Variants in TGFBI observed in about 807,000 individuals in gnomAD.
TGFBI encodes the protein transforming growth factor beta induced.
A neutral mutation model predicts 73.7 loss-of-function variants in TGFBI; 50 were observed. The ratio of observed to expected loss-of-function variants is 0.68; its 90% CI spans 0.54 to 0.86. TGFBI has a LOEUF of 0.86. Among genes scored for constraint, TGFBI ranks in the 40% least tolerant of loss-of-function variants. The probability of loss-of-function intolerance (pLI) is 0.00; values close to 1 mark genes in which losing one functional copy is unlikely to be tolerated. For missense variants in TGFBI, 839 were observed against 877.0 expected (o/e 0.96, Z 0.55); for synonymous variants, 362 against 360.5 (o/e 1.00, Z -0.05).
At chr5:136,055,856 G>C (rs973462131) in intron 11 of TGFBI, 40 bp downstream of exon 11, 1 of 1,561,262 alleles carries the variant, frequency 6.4e-7, no homozygotes, top group East Asian at 2.3e-5. Flanking sequence ...CTGCCCAGTG[G>C]TCATGCTGGA....
At chr5:136,051,595 T>G (rs2126912132) in intron 7 of TGFBI, among the ~76,000 whole-genome samples, 1 of 152,338 alleles carries the variant, frequency 6.6e-6, no homozygotes. Flanking sequence ...CGCTGCAGAC[T>G]GGAAGGAAGA....
intron 7 of TGFBI, among the ~76,000 whole-genome samples, chr5:136,050,458 G>A (rs1751515248): frequency 6.6e-6 from 1 of 152,190 alleles, no homozygotes; most frequent in African/African-American, 2.4e-5. Flanking sequence ...GGAGAGGGAA[G>A]GAAGGAGCTA....
chr5:136,037,834 A>T (rs1055675160), intron 2 of TGFBI, among the ~76,000 whole-genome samples: 1 of 152,200 alleles, frequency 6.6e-6, no homozygotes, highest in Non-Finnish European at 1.5e-5. Context: ...GAGCTTTTCC[A>T]TCAGCTGGCA....
chr5:136,057,697 T>G (rs1330977737), intron 12 of TGFBI, among the ~76,000 whole-genome samples: 3 of 151,948 alleles, frequency 2.0e-5, no homozygotes, highest in Non-Finnish European at 4.4e-5. Flanking sequence ...TTGACAAACC[T>G]TGGGGCCCAC....
chr5:136,060,426 G>A (rs765519939), intron 13 of TGFBI, among the ~76,000 whole-genome samples: 1 of 152,214 alleles, frequency 6.6e-6, no homozygotes, highest in Non-Finnish European at 1.5e-5. Flanking sequence ...AAAGTGTTCA[G>A]TAGGCCGGGT....
chr5:136,029,491 C>T (rs945637097), intron 1 of TGFBI, among the ~76,000 whole-genome samples: 6 of 152,198 alleles, frequency 3.9e-5, no homozygotes, highest in African/African-American at 1.4e-4. Context: ...GCTTCTCCTC[C>T]CAGCCACTGC....
In TGFBI at chr5:136,054,097, A is replaced by C. The variant is rs759594015; in HGVS notation, c.1264+17A>C. The stretch of plus-strand genomic sequence containing the variant: ...TATTCAAAGGTAACATGGGGAAGGC[A>C]TCCCTGTTAGATTGTCCCTGGAGGC... On this transcript the variant is annotated intron_variant, in intron 9 of 16. Coordinates refer to ENST00000442011, the MANE Select transcript of TGFBI (RefSeq NM_000358.3). 8 of 1,610,172 alleles carry C rather than the reference A, an allele frequency of 5.0e-6. No homozygotes were observed. The highest frequency in any genetic ancestry group is 6.8e-6 in the Non-Finnish European group (8 of 1,176,852).
intron 1 of TGFBI, among the ~76,000 whole-genome samples, 181 bp downstream of exon 1, chr5:136,029,370 G>A (rs1222801631): frequency 1.3e-5 from 2 of 152,234 alleles, no homozygotes; most frequent in African/African-American, 2.4e-5. Flanking sequence ...AGGGAGGGAG[G>A]TGGAGGACCA....
intron 13 of TGFBI, among the ~76,000 whole-genome samples, chr5:136,059,519 C>T (rs1751710487): frequency 6.6e-6 from 1 of 152,144 alleles, no homozygotes; most frequent in Admixed American, 6.5e-5. Flanking sequence ...AGTTATGTGA[C>T]TGAAGAGATC....
At chr5:136,057,326 G>A (rs2126915745) in intron 12 of TGFBI, among the ~76,000 whole-genome samples, 2 of 152,188 alleles carry the variant, frequency 1.3e-5, no homozygotes, top group East Asian at 3.8e-4. Flanking sequence ...AGACCTATGA[G>A]CACAGTGATA....
chr5:136,029,607 C>A (rs1751078678), intron 1 of TGFBI, among the ~76,000 whole-genome samples: 1 of 152,218 alleles, frequency 6.6e-6, no homozygotes, highest in South Asian at 2.1e-4. Context: ...GGCCCCCGGC[C>A]AGCGACTCCA....
intron 2 of TGFBI, among the ~76,000 whole-genome samples, chr5:136,043,775 T>C (rs1369762099): frequency 6.6e-6 from 1 of 152,254 alleles, no homozygotes; most frequent in Non-Finnish European, 1.5e-5. Flanking sequence ...TTATGTTTTC[T>C]AGTCACAACA....
Position 136,033,661 on chromosome 5 carries a change from T to G in TGFBI, c.135-102T>G, listed in dbSNP as rs1751162113. 3 of 890,480 alleles carry G rather than the reference T, an allele frequency of 3.4e-6. No individual in the cohort carries two copies. In the Admixed American group the frequency reaches 6.1e-5, roughly 18 times the overall value. The allele number at this position is 890,480 out of a possible 1,614,324, so 55.2% of individuals were successfully genotyped here. A position where few individuals can be genotyped will look rare whatever the true frequency, so the allele number is the denominator to read the frequency against. The stretch of plus-strand genomic sequence containing the variant: ...GACTGAAATGACTCTCTCCTCTATC[T>G]CTAGAAAGTTCCAGTGACCCAAGGA... On this transcript the variant is annotated intron_variant, in intron 1 of 16. Transcript: ENST00000442011.
chr5:136,030,221 C>A (rs1035954719), intron 1 of TGFBI, among the ~76,000 whole-genome samples: 3 of 152,222 alleles, frequency 2.0e-5, no homozygotes, highest in African/African-American at 7.2e-5. Context: ...CGTTCACACC[C>A]ACAAGCAATG....
intron 8 of TGFBI, 128 bp from the exon 9 acceptor site, chr5:136,053,815 C>A: frequency 7.4e-7 from 1 of 1,352,198 alleles, no homozygotes; most frequent in Non-Finnish European, 1.0e-6. Flanking sequence ...TGGGCCCCAG[C>A]AGTGTTTAGA....
Position 136,054,817 on chromosome 5 carries a change from G to A in TGFBI, c.1366G>A (p.Glu456Lys), listed in dbSNP as rs755816737. 6.8e-5 allele frequency: 110 copies of A among 1,613,804 alleles called. No homozygotes were observed. The highest frequency in any genetic ancestry group is 9.2e-5 in the Non-Finnish European group (109 of 1,179,870). Residue 456 changes from glutamate to lysine, a missense_variant, in exon 10 of 17, where the codon GAA becomes AAA. By Grantham distance (56) the Glu-to-Lys change is moderately conservative. Transcript: ENST00000442011. Reference sequence around the variant, plus strand: ...GTATCTGTACCATGGACAGACCCTGGAAACTCTGGGCGGCAAAAAACTGAG... The same window carrying A: ...GTATCTGTACCATGGACAGACCCTGAAAACTCTGGGCGGCAAAAAACTGAG... The part of the protein sequence containing the change: ...SKYLYHGQTL[E>K]TLGGKKLRVF...
intron 15 of TGFBI, 66 bp downstream of exon 15, chr5:136,061,645 G>C: frequency 7.3e-7 from 1 of 1,369,144 alleles, no homozygotes; most frequent in Non-Finnish European, 1.0e-6. Flanking sequence ...GGCCATAGAG[G>C]AGCCTCTCCA....
chr5:136,056,260 G>C (rs1275054503), intron 11 of TGFBI, among the ~76,000 whole-genome samples: 1 of 152,088 alleles, frequency 6.6e-6, no homozygotes, highest in East Asian at 1.9e-4. Flanking sequence ...ATTCACCTTG[G>C]GGTGCTGTCA....
At chr5:136,039,452 G>A (rs778784055) in intron 2 of TGFBI, among the ~76,000 whole-genome samples, 8 of 152,280 alleles carry the variant, frequency 5.3e-5, no homozygotes, top group Non-Finnish European at 1.2e-4. Context: ...AACTGCCCCA[G>A]GTCTCTGTCT....
Sources: gnomAD v4.1 joint callset for allele counts (sites outside exome capture counted in the v4.1 genomes callset) on GRCh38, gnomAD v4.1.1 for gene constraint, MANE v1.5 for transcripts, NCBI Gene and HGNC (gene_info 2026-07-23, HGNC 2026-07-21) for gene names.